MTUS1: variants seen among roughly 807,000 people sequenced by gnomAD.
MTUS1 encodes the protein microtubule-associated tumor suppressor 1.
In MTUS1, 109 loss-of-function variants were observed where a neutral mutation model predicts 120.8. The ratio of observed to expected loss-of-function variants is 0.90; its 90% CI spans 0.77 to 1.06. MTUS1 has a LOEUF of 1.06. MTUS1 is among the 50% of genes least tolerant of loss of function. The pLI, the probability that MTUS1 is intolerant of heterozygous loss-of-function variation, is 0.00. For missense variants in MTUS1, 2,210 were observed against 1,486.3 expected (o/e 1.49, Z -8.01); for synonymous variants, 737 against 550.5 (o/e 1.34, Z -4.74).
intron 1 of MTUS1, among the ~76,000 whole-genome samples, chr8:17,791,368 A>C (rs1484234275): frequency 6.6e-6 from 1 of 152,244 alleles, no homozygotes. Flanking sequence ...CTGTATATTA[A>C]TAGTAACATT....
chr8:17,704,666 G>A (rs1197427270), intron 6 of MTUS1, among the ~76,000 whole-genome samples: 1 of 152,126 alleles, frequency 6.6e-6, no homozygotes, highest in African/African-American at 2.4e-5. Flanking sequence ...TTTAATTACT[G>A]TGTGTTGTAA....
intron 8 of MTUS1, among the ~76,000 whole-genome samples, chr8:17,670,605 C>G (rs967384528): frequency 1.3e-5 from 2 of 152,172 alleles, no homozygotes; most frequent in African/African-American, 2.4e-5. Flanking sequence ...GGGCGGATCA[C>G]TTGAGGCAAG....
Position 17,675,196 on chromosome 8 carries a change from C to T in MTUS1, c.2895G>A (p.Arg965=), listed in dbSNP as rs1164883743. 4 of 1,614,010 alleles carry T rather than the reference C, an allele frequency of 2.5e-6. No homozygotes were observed. Among genetic ancestry groups the T allele is most frequent in the African/African-American group, 1.3e-5 (1 of 74,914 alleles). The change falls in exon 8 of 15, where the codon CGG becomes CGA. Residue 965 remains arginine (R), a synonymous_variant. Coordinates refer to ENST00000693296, the MANE Select transcript of MTUS1 (RefSeq NM_001363059.2). ...KTLSQELVNL[R]GELVTASTTC... is the part of the protein sequence containing the mutation. ...ACAAAAAGCTCTTACCTAGCTCTCC[C>T]CGGAGGTTAACAAGTTCTTGAGATA...
chr8:17,716,020 C>A, intron 4 of MTUS1, 119 bp from the exon 5 acceptor site: 1 of 825,046 alleles, frequency 1.2e-6, no homozygotes, highest in South Asian at 1.7e-5. Context: ...ACATGCCAGT[C>A]ATTACTGAAC....
At chr8:17,676,808 T>G (rs535216111) in intron 7 of MTUS1, among the ~76,000 whole-genome samples, 44 of 152,302 alleles carry the variant, frequency 2.9e-4, no homozygotes, top group Non-Finnish European at 4.7e-4. Context: ...AATGAGGTTA[T>G]GAACTAGGTG....
chr8:17,737,222 T>G (rs116317737), intron 3 of MTUS1, among the ~76,000 whole-genome samples: 1 of 152,158 alleles, frequency 6.6e-6, no homozygotes, highest in African/African-American at 2.4e-5. Flanking sequence ...CTGTGTAACT[T>G]TGGACACGTT....
rs372877313 is a variant in MTUS1, at chr8:17,654,633, T to C, written c.3142A>G (p.Lys1048Glu). The change falls in exon 10 of 15, where the codon AAG becomes GAG. Residue 1048 changes from lysine to glutamate, a missense_variant. Lys to Glu is a moderately conservative substitution (Grantham distance 56). Coordinates refer to ENST00000693296, the MANE Select transcript of MTUS1 (RefSeq NM_001363059.2). ...GAGTGGCTAGCTTCAATTTCCAACT[T>C]AGAGGTTTCATGCGCAGCATTTAAG... ...DNLNAAHETS[K>E]LEIEASHSEK... 76 of 1,614,018 alleles carry C rather than the reference T, an allele frequency of 4.7e-5. No individual in the cohort carries two copies. In the African/African-American group the frequency reaches 9.2e-4, roughly 20 times the overall value.
At chr8:17,745,685 G>C (rs1473163301) in intron 2 of MTUS1, among the ~76,000 whole-genome samples, 1 of 152,156 alleles carries the variant, frequency 6.6e-6, no homozygotes, top group Admixed American at 6.5e-5. Flanking sequence ...CCTTCCCCTG[G>C]GGGCTCTCTC....
At chr8:17,771,989 G>T (rs1032801857) in intron 1 of MTUS1, among the ~76,000 whole-genome samples, 2 of 152,180 alleles carry the variant, frequency 1.3e-5, no homozygotes, top group African/African-American at 4.8e-5. Flanking sequence ...TGATGGCCAT[G>T]GTGGCCCAGA....
Position 17,721,704 on chromosome 8 carries a change from C to T in MTUS1, c.2449+1968G>A, listed in dbSNP as rs367630054. The T allele has an allele frequency of 8.0e-5, 124 of 1,547,182 alleles. 1 individual carries two copies. In the Middle Eastern group the frequency reaches 1.2e-3, roughly 15 times the overall value. On this transcript the variant is annotated intron_variant, in intron 4 of 14. Coordinates refer to ENST00000693296, the MANE Select transcript of MTUS1 (RefSeq NM_001363059.2). ...ACAAAGAAAAGAAACCAGAAATCGT[C>T]GACCTACTTTTTTTCCCAGTAAACG...
intron 4 of MTUS1, among the ~76,000 whole-genome samples, chr8:17,716,155 T>G (rs1822286227): frequency 6.6e-6 from 1 of 152,148 alleles, no homozygotes; most frequent in African/African-American, 2.4e-5. Context: ...CTTGTCCAGT[T>G]CAGCTTTCAT....
intron 6 of MTUS1, among the ~76,000 whole-genome samples, chr8:17,702,370 CT>C (rs1563230152): frequency 1.3e-5 from 2 of 152,050 alleles, no homozygotes. Flanking sequence ...TTATTTTTCC[CT>C]TTCTTTTTGT....
At chr8:17,724,139 A>G (rs1346236536) in intron 3 of MTUS1, 4 of 512,390 alleles carry the variant, frequency 7.8e-6, no homozygotes, top group African/African-American at 1.9e-5. Context: ...CAGAATAATC[A>G]TGAGAAAGCA....
chr8:17,673,888 T>C (rs1013290007), intron 8 of MTUS1, among the ~76,000 whole-genome samples: 9 of 152,310 alleles, frequency 5.9e-5, no homozygotes, highest in African/African-American at 2.2e-4. Flanking sequence ...GGGCAGTTTC[T>C]CCTAGAGTTG....
intron 6 of MTUS1, among the ~76,000 whole-genome samples, chr8:17,690,941 TAATAA>T (rs1816822773): frequency 6.6e-6 from 1 of 152,214 alleles, no homozygotes; most frequent in African/African-American, 2.4e-5. Context: ...CATATACTAT[TAATAA>T]AATATTATTC....
chr8:17,742,281 TG>T (rs1469619222), intron 3 of MTUS1, among the ~76,000 whole-genome samples: 2,448 of 116,798 alleles, frequency 0.021, 114 homozygotes, highest in African/African-American at 0.039. Context: ...TTTTTTTTTT[TG>T]TTGTTGTTGT....
chr8:17,713,164 A>C, intron 6 of MTUS1, 50 bp downstream of exon 6: 2 of 1,395,372 alleles, frequency 1.4e-6, no homozygotes, highest in Non-Finnish European at 2.0e-6. Flanking sequence ...GTAGTAACAT[A>C]ACTTTACAAA....
At chr8:17,674,345 G>A (rs987421060) in intron 8 of MTUS1, 41 of 416,390 alleles carry the variant, frequency 9.8e-5, no homozygotes, top group East Asian at 3.2e-4. Flanking sequence ...GCTTGAACCC[G>A]GGAGGCGGAG....
At chr8:17,704,945 T>C (rs955065772) in intron 6 of MTUS1, among the ~76,000 whole-genome samples, 4 of 152,110 alleles carry the variant, frequency 2.6e-5, no homozygotes, top group African/African-American at 9.7e-5. Context: ...ATAACCTCAG[T>C]TTGTTCTTTG....
Sources: allele counts gnomAD v4.1 joint callset (sites outside exome capture counted in the v4.1 genomes callset), GRCh38; gene constraint gnomAD v4.1.1; transcripts MANE v1.5; gene names NCBI Gene and HGNC (gene_info 2026-07-23, HGNC 2026-07-21).